The following CDC42EP4 variants were observed in gnomAD, a reference collection of about 807,000 sequenced individuals.
CDC42EP4 encodes CDC42 effector protein 4, also known as CDC42 effector protein (Rho GTPase binding) 4.
In CDC42EP4, 6 loss-of-function variants were observed where a neutral mutation model predicts 5.6. That is an observed-to-expected ratio of 1.07 (90% CI 0.59 to 2.12). CDC42EP4 has a LOEUF of 2.12. Ranked by LOEUF, CDC42EP4 falls within the 30% of genes most tolerant of loss-of-function variation. The probability of loss-of-function intolerance (pLI) is 0.00; values close to 1 mark genes in which losing one functional copy is unlikely to be tolerated. For synonymous variants in CDC42EP4, 230 were observed against 224.2 expected (o/e 1.03, Z -0.23); for missense variants, 490 against 508.6 (o/e 0.96, Z 0.35).
At chr17:73,302,652 A>C (rs900643615) in intron 1 of CDC42EP4, among the ~76,000 whole-genome samples, 1 of 152,048 alleles carries the variant, frequency 6.6e-6, no homozygotes, top group African/African-American at 2.4e-5. Flanking sequence ...CAAGTCTTAA[A>C]ATTCCTAGCC....
chr17:73,298,589 G>A (rs1464165002), intron 1 of CDC42EP4, among the ~76,000 whole-genome samples: 3 of 152,212 alleles, frequency 2.0e-5, no homozygotes, highest in Non-Finnish European at 2.9e-5. Flanking sequence ...AAACAAGAAG[G>A]GGTCACATGA....
intron 1 of CDC42EP4, among the ~76,000 whole-genome samples, chr17:73,307,703 C>T (rs1473723523): frequency 1.3e-5 from 2 of 151,426 alleles, no homozygotes; most frequent in Non-Finnish European, 2.9e-5. Context: ...CCGCCTTGGC[C>T]TCCCAAAGTG....
chr17:73,290,831 T>C (rs925036017), intron 1 of CDC42EP4, among the ~76,000 whole-genome samples: 1 of 152,100 alleles, frequency 6.6e-6, no homozygotes, highest in Admixed American at 6.6e-5. Context: ...TCAGGTCCTG[T>C]GGTTTCCCGA....
At position 73,285,621 on chromosome 17, in the gene CDC42EP4, C is replaced by T. The variant is rs150232785; in HGVS notation, c.880G>A (p.Gly294Ser). ...EGWAAAAPSP[G>S]SARSMGSHTT... ...TGGCTGCCCATGCTGCGGGCTGAGC[C>T]GGGGCTGGGGGCCGCTGCTGCCCAC... Residue 294 changes from glycine to serine, a missense_variant, in exon 2 of 2, where the codon GGC becomes AGC. Transcript: ENST00000335793. The surrounding 1 kb of genome is among the most constrained non-coding windows in gnomAD (Gnocchi z 6.8). The T allele has an allele frequency of 4.1e-5, 66 of 1,605,314 alleles. No homozygotes were observed. The African/African-American group carries it at 6.0e-4, about 15-fold the overall frequency.
chr17:73,298,974 T>C (rs1418635263), intron 1 of CDC42EP4, among the ~76,000 whole-genome samples: 1 of 151,900 alleles, frequency 6.6e-6, no homozygotes, highest in East Asian at 1.9e-4. Context: ...TTTTTTTTTT[T>C]TGAGACACGG....
intron 1 of CDC42EP4, among the ~76,000 whole-genome samples, chr17:73,299,216 G>A (rs2062204106): frequency 6.6e-6 from 1 of 152,014 alleles, no homozygotes; most frequent in South Asian, 2.1e-4. Context: ...GAGGTCAGGA[G>A]ATCGAGGCCA....
At chr17:73,291,790 G>A (rs1316151590) in intron 1 of CDC42EP4, among the ~76,000 whole-genome samples, 1 of 152,156 alleles carries the variant, frequency 6.6e-6, no homozygotes, top group Non-Finnish European at 1.5e-5. Context: ...TGAGCCTCCG[G>A]AGGAACAGAT....
chr17:73,302,453 G>A (rs1021746562), intron 1 of CDC42EP4, among the ~76,000 whole-genome samples: 3 of 152,078 alleles, frequency 2.0e-5, no homozygotes, highest in African/African-American at 4.8e-5. Context: ...TTAACATGTG[G>A]TTAGTGTGAT....
chr17:73,290,499 G>A (rs1356118044), intron 1 of CDC42EP4, among the ~76,000 whole-genome samples: 4 of 152,236 alleles, frequency 2.6e-5, no homozygotes, highest in Admixed American at 2.0e-4. Context: ...TGCACTGTAG[G>A]ATATTCAGCA....
At chr17:73,297,501 A>T (rs2062194939) in intron 1 of CDC42EP4, among the ~76,000 whole-genome samples, 1 of 152,098 alleles carries the variant, frequency 6.6e-6, no homozygotes, top group Admixed American at 6.6e-5. Flanking sequence ...ATTTAAAATA[A>T]ATAGAAAAAC....
chr17:73,305,311 C>T (rs1314002448), intron 1 of CDC42EP4, among the ~76,000 whole-genome samples: 3 of 152,264 alleles, frequency 2.0e-5, no homozygotes, highest in African/African-American at 7.2e-5. Context: ...TGCCCCCATA[C>T]AGGCTGGGCC....
chr17:73,299,343 T>C (rs1599437717), intron 1 of CDC42EP4, among the ~76,000 whole-genome samples: 2 of 148,588 alleles, frequency 1.3e-5, no homozygotes, highest in South Asian at 4.3e-4. Context: ...GGCAGGAAAA[T>C]GGCGTGAACC....
rs1248147247 is a variant in CDC42EP4, at chr17:73,286,993, G to A, written c.-112-381C>T. On this transcript the variant is annotated intron_variant, in intron 1 of 1. Coordinates refer to ENST00000335793, the MANE Select transcript of CDC42EP4 (RefSeq NM_012121.5). The surrounding 1 kb of genome is among the most constrained non-coding windows in gnomAD (Gnocchi z 7.7). ...ATTCCAGGCAGCAAGCCAGGGAAGAGATGGAGTCTATGAGTTGGCTCCTAT... is the reference window on the plus strand; with the variant it reads ...ATTCCAGGCAGCAAGCCAGGGAAGAAATGGAGTCTATGAGTTGGCTCCTAT... The A allele has an allele frequency of 6.1e-6, 1 of 163,398 alleles. No homozygotes were observed. 10.1% of individuals were successfully genotyped at this position (163,398 alleles called of 1,614,324 possible).
At chr17:73,310,065 G>A (rs1321225502) in intron 1 of CDC42EP4, 1 of 152,194 alleles carries the variant, frequency 6.6e-6, no homozygotes, top group Non-Finnish European at 1.5e-5. Flanking sequence ...CCTGGTGGAT[G>A]CCCTGTTATT....
intron 1 of CDC42EP4, chr17:73,309,910 C>T (rs2062264786): frequency 6.6e-6 from 1 of 152,404 alleles, no homozygotes; most frequent in African/African-American, 2.4e-5. Flanking sequence ...AGGCAAAGTC[C>T]AAGTTCAGAG....
intron 1 of CDC42EP4, among the ~76,000 whole-genome samples, chr17:73,306,190 A>C (rs1265522380): frequency 2.0e-5 from 3 of 152,106 alleles, no homozygotes; most frequent in African/African-American, 2.4e-5. Flanking sequence ...GGGTGCTACT[A>C]GCAACAAATA....
chr17:73,297,763 A>G (rs931343422), intron 1 of CDC42EP4, among the ~76,000 whole-genome samples: 21 of 151,940 alleles, frequency 1.4e-4, no homozygotes, highest in Non-Finnish European at 2.9e-4. Flanking sequence ...GGTTCAAGCA[A>G]TTCTCCTGCC....
intron 1 of CDC42EP4, among the ~76,000 whole-genome samples, chr17:73,295,906 C>CA (rs200176195): frequency 0.19 from 19,341 of 101,700 alleles, 1,398 homozygotes; most frequent in East Asian, 0.27. Context: ...ACTCCATCTC[C>CA]AAAAAAAAAA....
At chr17:73,294,839 C>T (rs1427928311) in intron 1 of CDC42EP4, among the ~76,000 whole-genome samples, 4 of 152,046 alleles carry the variant, frequency 2.6e-5, no homozygotes, top group Admixed American at 2.0e-4. Flanking sequence ...GACAGAGTTT[C>T]GCTCTTGTTG....
Sources: allele counts gnomAD v4.1 joint callset (sites outside exome capture counted in the v4.1 genomes callset), GRCh38; gene constraint gnomAD v4.1.1; non-coding constraint Gnocchi (gnomAD v3.1); transcripts MANE v1.5; gene names NCBI Gene and HGNC (gene_info 2026-07-23, HGNC 2026-07-21).